MAGI2: variants seen among roughly 807,000 people sequenced by gnomAD.
MAGI2 encodes membrane associated guanylate kinase, WW and PDZ domain containing 2, also known as membrane-associated guanylate kinase, WW and PDZ domain-containing protein 2.
A neutral mutation model predicts 133.3 loss-of-function variants in MAGI2; 35 were observed. The observed-to-expected ratio is 0.26, with a 90% CI of 0.20 to 0.35. The LOEUF (loss-of-function observed/expected upper bound fraction) is 0.35, where lower values mean the gene tolerates loss of function less well. MAGI2 is among the 10% of genes least tolerant of loss of function. The pLI is 1.00. For missense variants in MAGI2, 1,636 were observed against 1,863.4 expected, an observed-to-expected ratio of 0.88 and a Z score of 2.25; for synonymous variants, 729 against 710.6, an observed-to-expected ratio of 1.03 and a Z score of -0.41.
chr7:78,211,989 T>C (rs1053694085), intron 10 of MAGI2, among the ~76,000 whole-genome samples: 1 of 152,360 alleles, frequency 6.6e-6, no homozygotes. Flanking sequence ...TAGTATAGAC[T>C]GTGCCTCCAG....
chr7:79,239,691 A>G (rs1419126976), intron 1 of MAGI2, among the ~76,000 whole-genome samples: 1 of 152,170 alleles, frequency 6.6e-6, no homozygotes, highest in Middle Eastern at 3.2e-3. Flanking sequence ...CAGAATACCA[A>G]CCACAGACAA....
chr7:79,441,990 T>G (rs970076177), intron 1 of MAGI2, among the ~76,000 whole-genome samples: 9 of 152,174 alleles, frequency 5.9e-5, no homozygotes, highest in Admixed American at 5.9e-4. Flanking sequence ...TGCCCCTGCC[T>G]CTTCTTTTGT....
chr7:78,430,743 T>A (rs1799713849), intron 6 of MAGI2, among the ~76,000 whole-genome samples: 1 of 152,104 alleles, frequency 6.6e-6, no homozygotes, highest in South Asian at 2.1e-4. Context: ...AGATTCCCCC[T>A]AAGCAACCAC....
At chr7:78,319,710 T>G (rs918479437) in intron 9 of MAGI2, among the ~76,000 whole-genome samples, 6 of 151,906 alleles carry the variant, frequency 3.9e-5, no homozygotes, top group Admixed American at 1.3e-4. Context: ...ACATCACAAT[T>G]AAAAGAACTA....
chr7:78,831,694 C>A (rs1410433644), intron 2 of MAGI2, among the ~76,000 whole-genome samples: 2 of 152,156 alleles, frequency 1.3e-5, no homozygotes, highest in African/African-American at 4.8e-5. Context: ...TCCATTGTTT[C>A]AATTAGTATG....
intron 2 of MAGI2, among the ~76,000 whole-genome samples, chr7:78,697,040 A>G (rs951413480): frequency 1.3e-5 from 2 of 152,238 alleles, no homozygotes; most frequent in Non-Finnish European, 2.9e-5. Context: ...TGGATCATGT[A>G]TTTTTAAATG....
intron 2 of MAGI2, among the ~76,000 whole-genome samples, chr7:79,005,867 C>T (rs1400190733): frequency 6.6e-6 from 1 of 152,112 alleles, no homozygotes; most frequent in Non-Finnish European, 1.5e-5. Context: ...ACCATGGGTC[C>T]AAAAGCCTAT....
chr7:78,641,352 G>C (rs1810284730), intron 2 of MAGI2, among the ~76,000 whole-genome samples: 1 of 152,112 alleles, frequency 6.6e-6, no homozygotes, highest in African/African-American at 2.4e-5. Context: ...GAACTAGATA[G>C]TAAATATTCT....
chr7:78,976,120 G>A (rs774266726), intron 2 of MAGI2, among the ~76,000 whole-genome samples: 16 of 151,484 alleles, frequency 1.1e-4, no homozygotes, highest in Non-Finnish European at 1.6e-4. Flanking sequence ...AGATGAAGGC[G>A]TTACGAGAAA....
At chr7:79,434,277 G>A (rs1410319761) in intron 1 of MAGI2, among the ~76,000 whole-genome samples, 3 of 152,130 alleles carry the variant, frequency 2.0e-5, no homozygotes, top group Non-Finnish European at 4.4e-5. Context: ...ATGAGTAATT[G>A]ACTCAGCATC....
intron 9 of MAGI2, among the ~76,000 whole-genome samples, chr7:78,336,615 C>T (rs1789793716): frequency 6.6e-6 from 1 of 152,172 alleles, no homozygotes. Flanking sequence ...GTTCTAGCTA[C>T]TTGGGAGGCT....
intron 2 of MAGI2, among the ~76,000 whole-genome samples, chr7:78,924,853 C>CTATTATTATTAT (rs1287134682): frequency 2.0e-5 from 3 of 148,834 alleles, no homozygotes; most frequent in African/African-American, 7.4e-5. Flanking sequence ...ATTATTACTA[C>CTATTATTATTAT]TATTATTATT....
At chr7:79,413,999 T>G (rs150785402) in intron 1 of MAGI2, 11 of 152,240 alleles carry the variant, frequency 7.2e-5, no homozygotes, top group African/African-American at 2.6e-4. Context: ...AGAAATCCTG[T>G]GTGAGAATGC....
chr7:78,929,967 A>T (rs1029668854), intron 2 of MAGI2, among the ~76,000 whole-genome samples: 4 of 152,072 alleles, frequency 2.6e-5, no homozygotes, highest in African/African-American at 9.7e-5. Context: ...TTGCTTCTCA[A>T]GACAATTTGA....
intron 1 of MAGI2, among the ~76,000 whole-genome samples, chr7:79,038,398 A>G (rs1010211472): frequency 1.3e-5 from 2 of 152,096 alleles, no homozygotes; most frequent in African/African-American, 4.8e-5. Flanking sequence ...ATCCATTGTT[A>G]TTATTAATTT....
At chr7:78,072,282 T>A (rs1814793189) in intron 21 of MAGI2, among the ~76,000 whole-genome samples, 1 of 152,192 alleles carries the variant, frequency 6.6e-6, no homozygotes, top group South Asian at 2.1e-4. Flanking sequence ...TTCTTAACAC[T>A]CTAGAAGTAC....
chr7:78,053,748 A>G (rs374129795), intron 21 of MAGI2, among the ~76,000 whole-genome samples: 1 of 152,210 alleles, frequency 6.6e-6, no homozygotes, highest in Non-Finnish European at 1.5e-5. Context: ...TGGGTGGATT[A>G]AGGAACGATC....
intron 1 of MAGI2, among the ~76,000 whole-genome samples, chr7:79,247,902 C>A (rs967206122): frequency 6.6e-6 from 1 of 151,800 alleles, no homozygotes; most frequent in Non-Finnish European, 1.5e-5. Context: ...TTAAAACATA[C>A]CACCAGAGAA....
chr7:79,358,695 T>A (rs906894534), intron 1 of MAGI2, among the ~76,000 whole-genome samples: 7 of 152,126 alleles, frequency 4.6e-5, no homozygotes, highest in African/African-American at 1.7e-4. Context: ...CACACCTGCA[T>A]CCTCCTAGTG....
Sources: gnomAD v4.1 joint callset for allele counts (sites outside exome capture counted in the v4.1 genomes callset) on GRCh38, gnomAD v4.1.1 for gene constraint, MANE v1.5 for transcripts, NCBI Gene and HGNC (gene_info 2026-07-23, HGNC 2026-07-21) for gene names.